The following NRXN3 variants were observed in gnomAD, a reference collection of about 807,000 sequenced individuals.
NRXN3 encodes neurexin III.
In NRXN3, 32 loss-of-function variants were observed where a neutral mutation model predicts 137.6. That is an observed-to-expected ratio of 0.23 (90% CI 0.18 to 0.31). The LOEUF is 0.31. NRXN3 is among the 10% of genes least tolerant of loss of function. The pLI, the probability that NRXN3 is intolerant of heterozygous loss-of-function variation, is 1.00. For synonymous variants in NRXN3, 798 were observed against 784.5 expected (o/e 1.02, Z -0.29); for missense variants, 1,574 against 2,062.5 (o/e 0.76, Z 4.59).
chr14:79,111,802 A>G (rs2653534), intron 15 of NRXN3, among the ~76,000 whole-genome samples: 4,288 of 152,072 alleles, frequency 0.028, 199 homozygotes, highest in African/African-American at 0.098. Context: ...AATTTCTTGT[A>G]TTATTGTGAG....
At chr14:79,618,909 T>G (rs960484188) in intron 16 of NRXN3, among the ~76,000 whole-genome samples, 2 of 152,124 alleles carry the variant, frequency 1.3e-5, no homozygotes, top group African/African-American at 4.8e-5. Context: ...TTCTGACTGG[T>G]GTGAGATGAT....
At chr14:79,022,989 G>C (rs913817333) in intron 15 of NRXN3, among the ~76,000 whole-genome samples, 2 of 152,110 alleles carry the variant, frequency 1.3e-5, no homozygotes, top group African/African-American at 4.8e-5. Flanking sequence ...GCATCCATAG[G>C]GAAGGAATTA....
At chr14:79,209,645 A>G (rs754267943) in intron 15 of NRXN3, among the ~76,000 whole-genome samples, 2 of 152,088 alleles carry the variant, frequency 1.3e-5, no homozygotes, top group Non-Finnish European at 1.5e-5. Flanking sequence ...ATCTTTGTTT[A>G]TTACTTTATT....
At chr14:78,230,819 G>A (rs1011762800) in intron 1 of NRXN3, among the ~76,000 whole-genome samples, 1 of 152,154 alleles carries the variant, frequency 6.6e-6, no homozygotes, top group Non-Finnish European at 1.5e-5. Flanking sequence ...GCCACAGGGA[G>A]GACTTTGGAT....
intron 15 of NRXN3, among the ~76,000 whole-genome samples, chr14:79,352,485 G>A (rs1382646127): frequency 1.3e-5 from 2 of 152,078 alleles, no homozygotes; most frequent in Non-Finnish European, 2.9e-5. Flanking sequence ...CGGATCAATT[G>A]AGATAATGTG....
intron 17 of NRXN3, among the ~76,000 whole-genome samples, chr14:79,668,843 T>C (rs571460586): frequency 7.4e-4 from 112 of 152,216 alleles, no homozygotes; most frequent in African/African-American, 2.6e-3. Context: ...TAAGAGCCGC[T>C]GACTTAGAGA....
At chr14:79,516,707 T>C (rs574810558) in intron 16 of NRXN3, among the ~76,000 whole-genome samples, 1 of 152,292 alleles carries the variant, frequency 6.6e-6, no homozygotes, top group South Asian at 2.1e-4. Context: ...CAAAGGAAAG[T>C]GTATAGTCTC....
intron 4 of NRXN3, among the ~76,000 whole-genome samples, chr14:78,403,021 T>C (rs2092218313): frequency 6.6e-6 from 1 of 152,176 alleles, no homozygotes; most frequent in South Asian, 2.1e-4. Flanking sequence ...GATTTCTGCT[T>C]CTTGTTTGAG....
Position 79,466,459 on chromosome 14 carries a change from G to A in NRXN3, c.3263-762G>A, listed in dbSNP as rs544067216. 3.0e-4 allele frequency among the ~76,000 whole-genome samples: 46 copies of A among 152,148 alleles called. 1 individual carries two copies. The highest frequency in any genetic ancestry group is 8.9e-4 in the African/African-American group (37 of 41,522). The stretch of plus-strand genomic sequence containing the variant: ...AAAAATTAGCCGGGCGTGGTGGCAC[G>A]TGCCTGTAGTCCCAGCTACTCGGGA... On this transcript the variant is annotated intron_variant, in intron 15 of 20. Transcript: ENST00000335750.
At chr14:79,554,079 G>T (rs1432247533) in intron 16 of NRXN3, among the ~76,000 whole-genome samples, 4 of 152,118 alleles carry the variant, frequency 2.6e-5, no homozygotes, top group African/African-American at 9.7e-5. Flanking sequence ...TACCAATTTT[G>T]TTGGGAAAAG....
At chr14:78,395,769 C>T (rs2091385203) in intron 4 of NRXN3, among the ~76,000 whole-genome samples, 1 of 151,420 alleles carries the variant, frequency 6.6e-6, no homozygotes. Context: ...TTTTTTTGTC[C>T]TGAAGTCTAA....
At chr14:79,401,820 G>A (rs533904677) in intron 15 of NRXN3, among the ~76,000 whole-genome samples, 4 of 149,734 alleles carry the variant, frequency 2.7e-5, no homozygotes, top group South Asian at 4.2e-4. Flanking sequence ...GAATAAGTAC[G>A]TGTAAACTGA....
At chr14:79,250,869 TAAAAG>T (rs771424134) in intron 15 of NRXN3, among the ~76,000 whole-genome samples, 2 of 152,288 alleles carry the variant, frequency 1.3e-5, no homozygotes, top group Non-Finnish European at 1.5e-5. Context: ...CAACATGACT[TAAAAG>T]AAAGAATCAT....
At chr14:78,280,283 C>T (rs2074218136) in intron 3 of NRXN3, among the ~76,000 whole-genome samples, 1 of 152,072 alleles carries the variant, frequency 6.6e-6, no homozygotes, top group African/African-American at 2.4e-5. Flanking sequence ...TATATGCATA[C>T]ATATATACAC....
intron 10 of NRXN3, among the ~76,000 whole-genome samples, chr14:78,934,815 TG>T (rs2099330906): frequency 6.8e-6 from 1 of 146,318 alleles, no homozygotes; most frequent in South Asian, 2.2e-4. Context: ...TGTTGTGGGG[TG>T]GGGGGAGTGG....
intron 15 of NRXN3, among the ~76,000 whole-genome samples, chr14:79,089,233 A>G (rs1173871470): frequency 6.6e-6 from 1 of 152,190 alleles, no homozygotes; most frequent in South Asian, 2.1e-4. Flanking sequence ...AGAAAATATG[A>G]TTTGATTGCC....
At chr14:78,685,471 T>C (rs962029534) in intron 6 of NRXN3, among the ~76,000 whole-genome samples, 2 of 152,076 alleles carry the variant, frequency 1.3e-5, no homozygotes, top group African/African-American at 4.8e-5. Context: ...TTCACCCTGA[T>C]GCAGCCACAC....
chr14:79,856,457 A>T lies in NRXN3; in HGVS notation c.4094-4885A>T, dbSNP rs139187796. ...GAATAATGCAAATAAGAGATGAAGT[A>T]AAATACCCAAATATATAAAAAGAAT... On this transcript the variant is annotated intron_variant, in intron 20 of 20. Coordinates refer to ENST00000335750, the MANE Select transcript of NRXN3 (RefSeq NM_001330195.2). Among the ~76,000 whole-genome samples the T allele has an allele frequency of 7.5e-3, 1,137 of 152,310 alleles. 12 individuals are homozygous for T. The highest frequency in any genetic ancestry group is 0.026 in the African/African-American group (1,068 of 41,572).
intron 4 of NRXN3, among the ~76,000 whole-genome samples, chr14:78,559,505 A>G (rs1298876230): frequency 1.3e-5 from 2 of 152,216 alleles, no homozygotes; most frequent in Non-Finnish European, 2.9e-5. Context: ...TTGGGGATAT[A>G]TTCCCAAAAG....
Sources: gnomAD v4.1 joint callset for allele counts (sites outside exome capture counted in the v4.1 genomes callset) on GRCh38, gnomAD v4.1.1 for gene constraint, MANE v1.5 for transcripts, NCBI Gene and HGNC (gene_info 2026-07-23, HGNC 2026-07-21) for gene names.